SDK1: variants seen among roughly 807,000 people sequenced by gnomAD.
The protein encoded by SDK1 is sidekick cell adhesion molecule 1, also known as protein sidekick-1.
A neutral mutation model predicts 245.5 loss-of-function variants in SDK1; 157 were observed. That is an observed-to-expected ratio of 0.64 (90% confidence interval 0.56 to 0.73). The LOEUF is 0.73. Among genes scored for constraint, SDK1 ranks in the 30% least tolerant of loss-of-function variants. SDK1 has a pLI of 0.00. For missense variants in SDK1, 3,583 were observed against 3,002.3 expected, an observed-to-expected ratio of 1.19 and a Z score of -4.52; for synonymous variants, 1,647 against 1,278.5, an observed-to-expected ratio of 1.29 and a Z score of -6.15.
intron 9 of SDK1, among the ~76,000 whole-genome samples, chr7:3,966,742 G>A (rs1335948998): frequency 1.3e-5 from 2 of 151,976 alleles, no homozygotes; most frequent in Non-Finnish European, 2.9e-5. Context: ...CTGTAGTACA[G>A]TGGCACGATC....
intron 1 of SDK1, among the ~76,000 whole-genome samples, chr7:3,410,434 AAATC>A (rs1779169010): frequency 6.6e-6 from 1 of 152,164 alleles, no homozygotes; most frequent in Non-Finnish European, 1.5e-5. Context: ...AAAATATCAG[AAATC>A]AATCACTTCT....
intron 4 of SDK1, among the ~76,000 whole-genome samples, chr7:3,656,263 C>G (rs7812054): frequency 6.6e-6 from 1 of 152,186 alleles, no homozygotes; most frequent in East Asian, 1.9e-4. Flanking sequence ...AGTCCCACTG[C>G]TGTTGGCTCC....
At chr7:3,327,238 G>T (rs1347284978) in intron 1 of SDK1, among the ~76,000 whole-genome samples, 1 of 152,152 alleles carries the variant, frequency 6.6e-6, no homozygotes, top group African/African-American at 2.4e-5. Context: ...ACCAGGTGGG[G>T]ATCTTCAGTT....
chr7:3,741,915 G>T (rs1779485145), intron 4 of SDK1, among the ~76,000 whole-genome samples: 1 of 150,230 alleles, frequency 6.7e-6, no homozygotes, highest in African/African-American at 2.5e-5. Flanking sequence ...CAATATCCAG[G>T]TATCTTGACC....
chr7:3,326,578 C>A (rs940636032), intron 1 of SDK1, among the ~76,000 whole-genome samples: 9 of 152,086 alleles, frequency 5.9e-5, no homozygotes, highest in African/African-American at 1.9e-4. Flanking sequence ...ACAGAGCTGC[C>A]CTTTGGAAAG....
chr7:3,741,342 C>T (rs1779468834), intron 4 of SDK1, among the ~76,000 whole-genome samples: 1 of 152,202 alleles, frequency 6.6e-6, no homozygotes, highest in Non-Finnish European at 1.5e-5. Context: ...CCCCTGTTCT[C>T]CCAGCTCCCA....
At chr7:3,402,787 C>A (rs942880788) in intron 1 of SDK1, among the ~76,000 whole-genome samples, 1 of 152,094 alleles carries the variant, frequency 6.6e-6, no homozygotes. Context: ...TTAATATAAA[C>A]TTTATTCTAC....
At chr7:4,054,249 T>A (rs901400829) in intron 19 of SDK1, among the ~76,000 whole-genome samples, 50 of 152,206 alleles carry the variant, frequency 3.3e-4, no homozygotes, top group African/African-American at 1.2e-3. Context: ...CAAGGTTAAC[T>A]GAAATTTTTA....
Position 3,877,952 on chromosome 7 carries a change from G to C in SDK1, c.847+56369G>C, listed in dbSNP as rs151010133. 2.1e-3 allele frequency among the ~76,000 whole-genome samples: 320 copies of C among 152,328 alleles called. 1 individual carries two copies. Among genetic ancestry groups the C allele is most frequent in the African/African-American group, 7.4e-3 (309 of 41,570 alleles). On this transcript the variant is annotated intron_variant, in intron 5 of 44. Transcript: ENST00000404826. ...TAATACATACACAGCTGTTTCCTTA[G>C]AGTACATTCGTTGAAGTAAATTTGC...
At chr7:3,586,759 A>C (rs73296295) in intron 1 of SDK1, among the ~76,000 whole-genome samples, 1,824 of 151,654 alleles carry the variant, frequency 0.012, 48 homozygotes, top group African/African-American at 0.042. Flanking sequence ...TACAGTGTCT[A>C]AGGACAGAGT....
intron 5 of SDK1, among the ~76,000 whole-genome samples, chr7:3,904,235 A>G (rs1205466532): frequency 1.3e-5 from 2 of 152,200 alleles, no homozygotes; most frequent in Admixed American, 1.3e-4. Flanking sequence ...TGCAAAATAC[A>G]CAAATCTATA....
chr7:3,805,121 A>C lies in SDK1; in HGVS notation c.714-16329A>C, dbSNP rs527298622. The stretch of plus-strand genomic sequence containing the variant: ...AAGGTACTCATATATCATGTTGGAC[A>C]CCATAAGTACATACAATTTTTATTC... On this transcript the variant is annotated intron_variant, in intron 4 of 44. Transcript: ENST00000404826. Among the ~76,000 whole-genome samples the C allele has an allele frequency of 3.3e-5, 5 of 152,362 alleles. No homozygotes were observed. In the South Asian group the frequency reaches 1.0e-3, roughly 32 times the overall value.
intron 1 of SDK1, among the ~76,000 whole-genome samples, chr7:3,385,831 T>G (rs1273494218): frequency 6.6e-6 from 1 of 152,202 alleles, no homozygotes; most frequent in Non-Finnish European, 1.5e-5. Flanking sequence ...TTAGACCAAA[T>G]TTTTGTTTGC....
At chr7:3,325,084 A>G (rs1779910064) in intron 1 of SDK1, among the ~76,000 whole-genome samples, 1 of 152,136 alleles carries the variant, frequency 6.6e-6, no homozygotes, top group South Asian at 2.1e-4. Flanking sequence ...TTCCTTGGGA[A>G]GAAGATCTTA....
intron 1 of SDK1, among the ~76,000 whole-genome samples, chr7:3,385,573 G>T (rs1276431874): frequency 6.6e-6 from 1 of 151,954 alleles, no homozygotes; most frequent in Non-Finnish European, 1.5e-5. Context: ...TCTCTGCCTG[G>T]AATCTTCTTT....
At chr7:3,825,286 T>C (rs1779742078) in intron 5 of SDK1, among the ~76,000 whole-genome samples, 1 of 141,978 alleles carries the variant, frequency 7.0e-6, no homozygotes, top group Non-Finnish European at 1.5e-5. Context: ...ACTTCTGAAC[T>C]GAATTACTAT....
In SDK1 at chr7:3,444,105, G is replaced by T. The variant is rs73293175; in HGVS notation, c.298+142221G>T. ...TCTTCCTTCTTTACCTTACGTTGCT[G>T]TTTCCCTTTTTACTTCTTTCCCTGG... On this transcript the variant is annotated intron_variant, in intron 1 of 44. Coordinates refer to ENST00000404826, the MANE Select transcript of SDK1 (RefSeq NM_152744.4). 9.2e-3 allele frequency among the ~76,000 whole-genome samples: 1,401 copies of T among 152,280 alleles called. 27 individuals are homozygous for T. The highest frequency in any genetic ancestry group is 0.032 in the African/African-American group (1,316 of 41,558).
At position 4,174,329 on chromosome 7, in the gene SDK1, C is replaced by T. The variant is rs200272941; in HGVS notation, c.4908C>T (p.Asn1636=). The T allele has an allele frequency of 5.0e-6, 8 of 1,613,898 alleles. No homozygotes were observed. The highest frequency in any genetic ancestry group is 6.8e-6 in the Non-Finnish European group (8 of 1,179,786). Residue 1636 remains asparagine (N), a synonymous_variant, in exon 33 of 45, where the codon AAC becomes AAT. Transcript: ENST00000404826. ...GSGTEAKTLK[N]PIALHAELTA... ...GCACTGAGGCCAAGACGCTCAAAAA[C>T]CCTATAGCTTTACATGCTGAGCTCA...
At chr7:3,729,969 C>G (rs1162561323) in intron 4 of SDK1, among the ~76,000 whole-genome samples, 1 of 151,900 alleles carries the variant, frequency 6.6e-6, no homozygotes. Context: ...TTTTGTTGAA[C>G]ATAACATTTG....
Sources: allele counts gnomAD v4.1 joint callset (sites outside exome capture counted in the v4.1 genomes callset), GRCh38; gene constraint gnomAD v4.1.1; transcripts MANE v1.5; gene names NCBI Gene and HGNC (gene_info 2026-07-23, HGNC 2026-07-21).